The following EFEMP1 variants were observed in gnomAD, a reference collection of about 807,000 sequenced individuals.
EFEMP1 encodes EGF-like fibulin extracellular matrix protein 1.
Under a neutral mutation model 65.7 loss-of-function variants are expected in EFEMP1, and 18 were observed. The observed-to-expected ratio is 0.27, with a 90% CI of 0.19 to 0.41. The LOEUF is 0.41. EFEMP1 is among the 10% of genes least tolerant of loss of function. The pLI is 1.00. For synonymous variants in EFEMP1, 237 were observed against 219.7 expected, an observed-to-expected ratio of 1.08 and a Z score of -0.70; for missense variants, 469 against 624.8, an observed-to-expected ratio of 0.75 and a Z score of 2.66.
In EFEMP1 at chr2:55,866,709, G is replaced by T. The variant is rs1668590653; in HGVS notation, c.*364C>A. ...ATGCTATTCAATGGTTATGATGGCTGCCTCCTTATGAGACTGTTAGTGGAG... is the reference window on the plus strand; with the variant it reads ...ATGCTATTCAATGGTTATGATGGCTTCCTCCTTATGAGACTGTTAGTGGAG... On this transcript the variant is annotated 3_prime_UTR_variant, in exon 12 of 12. Coordinates refer to ENST00000355426, the MANE Select transcript of EFEMP1 (RefSeq NM_001039348.3). 5.0e-6 allele frequency: 1 copy of T among 200,726 alleles called. No individual in the cohort carries two copies. The highest frequency in any genetic ancestry group is 5.4e-5 in the Admixed American group (1 of 18,410). 12.4% of individuals were successfully genotyped at this position (200,726 alleles called of 1,614,324 possible).
chr2:55,870,713 T>C lies in EFEMP1; in HGVS notation c.1320+7A>G. The C allele has an allele frequency of 6.2e-7, 1 of 1,613,454 alleles. No homozygotes were observed. Among genetic ancestry groups the C allele is most frequent in the Non-Finnish European group, 8.5e-7 (1 of 1,179,564 alleles). The stretch of plus-strand genomic sequence containing the variant: ...TCAATAGTTAAGGCTGCCTTCAGGA[T>C]ACTTACTCGTAGGTAGAACTCTCCA... On this transcript the variant is annotated splice_region_variant and intron_variant, in intron 11 of 11. Transcript: ENST00000355426. The surrounding 1 kb of genome is among the most constrained non-coding windows in gnomAD (Gnocchi z 5.8).
At position 55,874,929 on chromosome 2, in the gene EFEMP1, A is replaced by C; in HGVS notation, c.1000+17T>G. The C allele has an allele frequency of 6.3e-7, 1 of 1,595,302 alleles. No homozygotes were observed. The highest frequency in any genetic ancestry group is 8.6e-7 in the Non-Finnish European group (1 of 1,168,160). On this transcript the variant is annotated intron_variant, in intron 9 of 11. Transcript: ENST00000355426. Reference sequence around the variant, plus strand: ...TAAAACTAAATACCTAACATATGAAAAAAAAAATAAACTTACCTTGACATG... The same window carrying C: ...TAAAACTAAATACCTAACATATGAACAAAAAAATAAACTTACCTTGACATG...
rs565891198 is a variant in EFEMP1 at position 55,922,259 on chromosome 2, A to G, written c.81+101T>C. On this transcript the variant is annotated intron_variant, in intron 3 of 11. Transcript: ENST00000355426. This position sits in a 1 kb window ranked among gnomAD's most constrained non-coding sequence, Gnocchi z 5.5. ...AAGTGTTGTTTAATTTATCACCCTC[A>G]GCAGAGTATAGCCCAAATACACTGG... 2.8e-6 allele frequency: 3 copies of G among 1,065,574 alleles called. No homozygotes were observed. Among genetic ancestry groups the G allele is most frequent in the East Asian group, 4.8e-5 (2 of 41,364 alleles). 66.0% of individuals were successfully genotyped at this position (1,065,574 alleles called of 1,614,324 possible). A position where few individuals can be genotyped will look rare whatever the true frequency, so the allele number is the denominator to read the frequency against.
At position 55,917,747 on chromosome 2, in the gene EFEMP1, G is replaced by C. The variant is rs928431711; in HGVS notation, c.435C>G (p.Asp145Glu). 1 of 1,614,082 alleles carries C rather than the reference G, an allele frequency of 6.2e-7. No homozygotes were observed. Among genetic ancestry groups the C allele is most frequent in the Non-Finnish European group, 8.5e-7 (1 of 1,180,036 alleles). Residue 145 changes from aspartate (D) to glutamate (E), a missense_variant, in exon 5 of 12, where the codon GAC (aspartate) becomes GAG (glutamate). Physicochemically the swap from Asp to Glu is conservative, Grantham distance 45. Around this residue, in one of 3 missense-constraint regions of EFEMP1, gnomAD observed 399 missense variants for 528.2 expected, o/e 0.76. Transcript: ENST00000355426. The surrounding 1 kb of genome is among the most constrained non-coding windows in gnomAD (Gnocchi z 6.3). ...NNFVIRRNPA[D>E]PQRIPSNPSH... Reference sequence around the variant, plus strand: ...AAGGGTTGGAGGGAATGCGCTGAGGGTCAGCTGGGTTCCGCCGGATGACAA... The same window carrying C: ...AAGGGTTGGAGGGAATGCGCTGAGGCTCAGCTGGGTTCCGCCGGATGACAA...
intron 5 of EFEMP1, among the ~76,000 whole-genome samples, chr2:55,898,628 T>G (rs967951385): frequency 5.9e-5 from 9 of 152,160 alleles, no homozygotes; most frequent in Admixed American, 5.2e-4. Flanking sequence ...TAAATGTATT[T>G]TTTTCCTCCT....
intron 5 of EFEMP1, among the ~76,000 whole-genome samples, chr2:55,900,809 A>AT (rs1336924922): frequency 6.6e-6 from 1 of 152,056 alleles, no homozygotes; most frequent in African/African-American, 2.4e-5. Flanking sequence ...ACCTTTATCG[A>AT]TTTTTAGTCA....
intron 5 of EFEMP1, among the ~76,000 whole-genome samples, chr2:55,909,161 C>T (rs994829243): frequency 2.6e-5 from 4 of 152,152 alleles, no homozygotes; most frequent in African/African-American, 9.7e-5. Flanking sequence ...CTTATATACA[C>T]ATGGTACTTG....
chr2:55,922,911 G>C lies in EFEMP1; in HGVS notation c.-20C>G. 1.8e-6 allele frequency: 2 copies of C among 1,098,864 alleles called. No homozygotes were observed. The highest frequency in any genetic ancestry group is 2.2e-6 in the Non-Finnish European group (2 of 896,772). 68.1% of individuals were successfully genotyped at this position (1,098,864 alleles called of 1,614,324 possible). A position where few individuals can be genotyped will look rare whatever the true frequency, so the allele number is the denominator to read the frequency against. ...CCAGTATACTCACCTTGAGCTAGCA[G>C]AGTTCCTTGCACAGCACAGCAAAAA... On this transcript the variant is annotated 5_prime_UTR_variant, in exon 2 of 12. Transcript: ENST00000355426. This position sits in a 1 kb window ranked among gnomAD's most constrained non-coding sequence, Gnocchi z 5.5.
At chr2:55,884,689 C>G (rs1669360783) in intron 5 of EFEMP1, among the ~76,000 whole-genome samples, 1 of 152,190 alleles carries the variant, frequency 6.6e-6, no homozygotes, top group Non-Finnish European at 1.5e-5. Context: ...CCATGATTTT[C>G]CTGATAATCT....
At chr2:55,907,178 G>A (rs539274115) in intron 5 of EFEMP1, among the ~76,000 whole-genome samples, 1 of 152,320 alleles carries the variant, frequency 6.6e-6, no homozygotes, top group South Asian at 2.1e-4. Flanking sequence ...CATTTCAGAA[G>A]CATCATCAAC....
chr2:55,912,968 T>C (rs888890994), intron 5 of EFEMP1, among the ~76,000 whole-genome samples: 4 of 152,140 alleles, frequency 2.6e-5, no homozygotes, highest in African/African-American at 9.7e-5. Flanking sequence ...TCTAAAACAA[T>C]GTAGAAACTT....
chr2:55,910,493 A>G (rs1411247873), intron 5 of EFEMP1, among the ~76,000 whole-genome samples: 1 of 152,236 alleles, frequency 6.6e-6, no homozygotes, highest in African/African-American at 2.4e-5. Flanking sequence ...CCAGCAATTC[A>G]ACACGTGCAA....
At chr2:55,904,110 A>C (rs1670149049) in intron 5 of EFEMP1, among the ~76,000 whole-genome samples, 1 of 152,128 alleles carries the variant, frequency 6.6e-6, no homozygotes, top group Non-Finnish European at 1.5e-5. Flanking sequence ...CTACCCTAGC[A>C]GGTACTCCCT....
intron 5 of EFEMP1, among the ~76,000 whole-genome samples, chr2:55,896,122 A>C (rs764420310): frequency 6.6e-6 from 1 of 152,232 alleles, no homozygotes; most frequent in Non-Finnish European, 1.5e-5. Context: ...TGAGATATCC[A>C]TTAGGCTGGA....
intron 5 of EFEMP1, among the ~76,000 whole-genome samples, chr2:55,906,901 C>T (rs1670301364): frequency 6.6e-6 from 1 of 152,190 alleles, no homozygotes; most frequent in Non-Finnish European, 1.5e-5. Flanking sequence ...AGGCAAATCT[C>T]TGAGAAAGAT....
rs1036374820 is a variant in EFEMP1, at chr2:55,917,031, G to A, written c.517+634C>T. Reference sequence around the variant, plus strand: ...GCTTAAAAGAGATATAAACGTGAGTGGGGGAGAATCCCTCCAAGGTAATGA... The same window carrying A: ...GCTTAAAAGAGATATAAACGTGAGTAGGGGAGAATCCCTCCAAGGTAATGA... On this transcript the variant is annotated intron_variant, in intron 5 of 11. Transcript: ENST00000355426. The surrounding 1 kb of genome is among the most constrained non-coding windows in gnomAD (Gnocchi z 6.3). Among the ~76,000 whole-genome samples, 38 of 152,158 alleles carry A rather than the reference G, an allele frequency of 2.5e-4. No homozygotes were observed. Among genetic ancestry groups the A allele is most frequent in the African/African-American group, 9.2e-4 (38 of 41,434 alleles).
At chr2:55,896,575 T>A (rs1669838393) in intron 5 of EFEMP1, among the ~76,000 whole-genome samples, 1 of 152,234 alleles carries the variant, frequency 6.6e-6, no homozygotes, top group African/African-American at 2.4e-5. Context: ...GACAGACCTG[T>A]GTTATTTCTT....
At position 55,886,271 on chromosome 2, in the gene EFEMP1, T is replaced by C. The variant is rs1194869288; in HGVS notation, c.518-4537A>G. On this transcript the variant is annotated intron_variant, in intron 5 of 11. Transcript: ENST00000355426. This position sits in a 1 kb window ranked among gnomAD's most constrained non-coding sequence, Gnocchi z 4.0. ...TATCCTCAACAATAACACACAGATT[T>C]TTAAAAGTATTCAGATTCTTCACAA... Among the ~76,000 whole-genome samples the C allele has an allele frequency of 6.6e-6, 1 of 152,188 alleles. No individual in the cohort carries two copies. Among genetic ancestry groups the C allele is most frequent in the Non-Finnish European group, 1.5e-5 (1 of 68,028 alleles).
Position 55,877,176 on chromosome 2 carries a change from G to A in EFEMP1, c.761-434C>T, listed in dbSNP as rs72807772. ...CATGCTGTACTGAAGATTTATCTGT[G>A]CTATTTATTACTTTTTAAATGGGTT... On this transcript the variant is annotated intron_variant, in intron 7 of 11. Coordinates refer to ENST00000355426, the MANE Select transcript of EFEMP1 (RefSeq NM_001039348.3). The surrounding 1 kb of genome is among the most constrained non-coding windows in gnomAD (Gnocchi z 4.5). Among the ~76,000 whole-genome samples the A allele has an allele frequency of 0.048, 7,380 of 152,166 alleles. 285 individuals carry two copies. The highest frequency in any genetic ancestry group is 0.22 in the South Asian group (1,052 of 4,814).
Sources: gnomAD v4.1 joint callset for allele counts (sites outside exome capture counted in the v4.1 genomes callset) on GRCh38, gnomAD v4.1.1 for gene constraint, gnomAD v4.1.1 regional missense constraint, Gnocchi (gnomAD v3.1) non-coding constraint, MANE v1.5 for transcripts, NCBI Gene and HGNC (gene_info 2026-07-23, HGNC 2026-07-21) for gene names.